Variants in KSR2 observed in about 807,000 individuals in gnomAD.
KSR2 encodes the protein kinase suppressor of ras 2.
Under a neutral mutation model 107.8 loss-of-function variants are expected in KSR2, and 25 were observed. The observed-to-expected ratio is 0.23, with a 90% CI of 0.17 to 0.32. The LOEUF (loss-of-function observed/expected upper bound fraction) is 0.32, where lower values mean the gene tolerates loss of function less well. KSR2 is among the 10% of genes least tolerant of loss of function. The pLI is 1.00. For synonymous variants in KSR2, 480 were observed against 507.0 expected, an observed-to-expected ratio of 0.95 and a Z score of 0.71; for missense variants, 887 against 1,268.9, an observed-to-expected ratio of 0.70 and a Z score of 4.57.
chr12:117,834,700 A>T (rs941840912), intron 3 of KSR2, among the ~76,000 whole-genome samples: 1 of 152,178 alleles, frequency 6.6e-6, no homozygotes, highest in Non-Finnish European at 1.5e-5. Context: ...GCCTGAGAAG[A>T]GCAATGAGAA....
intron 4 of KSR2, among the ~76,000 whole-genome samples, chr12:117,672,020 G>A (rs1213030690): frequency 6.6e-6 from 1 of 152,200 alleles, no homozygotes; most frequent in Non-Finnish European, 1.5e-5. Flanking sequence ...AGTCCTTAGC[G>A]CCTGGAACGC....
intron 5 of KSR2, among the ~76,000 whole-genome samples, chr12:117,644,809 G>A (rs1883541311): frequency 6.6e-6 from 1 of 152,140 alleles, no homozygotes; most frequent in South Asian, 2.1e-4. Flanking sequence ...GCCACTCCAT[G>A]GGGGGACAAA....
Position 117,455,034 on chromosome 12 carries a change from CAGAG to C in KSR2, c.*12161_*12164del, listed in dbSNP as rs1166413767. On this transcript the variant is annotated 3_prime_UTR_variant, in exon 20 of 20. Coordinates refer to ENST00000339824, the MANE Select transcript of KSR2 (RefSeq NM_173598.6). Reference sequence around the variant, plus strand: ...AGAGACAGACACAGAGACAGACAGACAGAGAGAGAGAGAGAGAGAGAGAGAGAGA... The same window carrying C: ...AGAGACAGACACAGAGACAGACAGACAGAGAGAGAGAGAGAGAGAGAGAGA... 6.2e-3 allele frequency: 570 copies of C among 91,558 alleles called. No individual in the cohort carries two copies. The highest frequency in any genetic ancestry group is 0.021 in the East Asian group (81 of 3,886). 5.7% of individuals were successfully genotyped at this position (91,558 alleles called of 1,614,324 possible). A position where few individuals can be genotyped will look rare whatever the true frequency, so the allele number is the denominator to read the frequency against.
intron 1 of KSR2, among the ~76,000 whole-genome samples, chr12:117,931,473 G>A (rs935513860): frequency 3.9e-5 from 6 of 152,132 alleles, no homozygotes; most frequent in South Asian, 2.1e-4. Context: ...GGTCGTGCCC[G>A]CCTGGATGTG....
At chr12:117,536,188 G>T (rs1232221524) in intron 10 of KSR2, among the ~76,000 whole-genome samples, 1 of 152,182 alleles carries the variant, frequency 6.6e-6, no homozygotes, top group Non-Finnish European at 1.5e-5. Context: ...TGGGGACATT[G>T]TTATGCCTAA....
At chr12:117,686,713 G>A (rs539658824) in intron 4 of KSR2, among the ~76,000 whole-genome samples, 57 of 152,208 alleles carry the variant, frequency 3.7e-4, no homozygotes, top group African/African-American at 1.3e-3. Context: ...GCAAGCAGGA[G>A]GTCAGCCAGA....
At chr12:117,892,662 G>C (rs952083449) in intron 1 of KSR2, among the ~76,000 whole-genome samples, 1 of 151,938 alleles carries the variant, frequency 6.6e-6, no homozygotes, top group African/African-American at 2.4e-5. Flanking sequence ...TATATCATCT[G>C]TGGCTGCTTT....
intron 5 of KSR2, among the ~76,000 whole-genome samples, chr12:117,609,027 G>C (rs1253448382): frequency 6.6e-6 from 1 of 151,962 alleles, no homozygotes; most frequent in Non-Finnish European, 1.5e-5. Flanking sequence ...ATTCCCCTTG[G>C]TCTATCCCTC....
chr12:117,730,233 A>T (rs1345915956), intron 4 of KSR2, among the ~76,000 whole-genome samples: 1 of 152,136 alleles, frequency 6.6e-6, no homozygotes, highest in Non-Finnish European at 1.5e-5. Flanking sequence ...GAGCAAGGAG[A>T]TGTGATCTTC....
intron 3 of KSR2, among the ~76,000 whole-genome samples, chr12:117,778,342 C>T (rs970633057): frequency 6.6e-6 from 1 of 152,146 alleles, no homozygotes; most frequent in South Asian, 2.1e-4. Context: ...CTGCCCGCCT[C>T]GGCCTCTCAT....
chr12:117,473,828 G>A (rs998065050), intron 17 of KSR2, among the ~76,000 whole-genome samples: 4 of 152,180 alleles, frequency 2.6e-5, no homozygotes, highest in African/African-American at 9.7e-5. Flanking sequence ...TATTCCAGGT[G>A]AATCTCAGCA....
At chr12:117,815,507 TAG>T (rs1187728652) in intron 3 of KSR2, among the ~76,000 whole-genome samples, 2 of 152,208 alleles carry the variant, frequency 1.3e-5, no homozygotes, top group African/African-American at 4.8e-5. Flanking sequence ...TACTATGTAC[TAG>T]GCATTTTGCT....
intron 5 of KSR2, among the ~76,000 whole-genome samples, chr12:117,608,424 T>C (rs1254952388): frequency 6.6e-6 from 1 of 152,236 alleles, no homozygotes; most frequent in Non-Finnish European, 1.5e-5. Flanking sequence ...ATCACTATTA[T>C]AATTTTTAAA....
chr12:117,723,121 G>A (rs1015587059), intron 4 of KSR2, among the ~76,000 whole-genome samples: 1 of 152,080 alleles, frequency 6.6e-6, no homozygotes, highest in African/African-American at 2.4e-5. Context: ...CAGGCCAGAG[G>A]AATCCATCCT....
chr12:117,730,769 C>A (rs112694112), intron 4 of KSR2, among the ~76,000 whole-genome samples: 1 of 152,234 alleles, frequency 6.6e-6, no homozygotes, highest in Non-Finnish European at 1.5e-5. Flanking sequence ...CTCGGCCTCC[C>A]GAGGTGCCGG....
intron 7 of KSR2, among the ~76,000 whole-genome samples, chr12:117,567,577 G>T (rs1385585011): frequency 4.0e-5 from 6 of 150,664 alleles, no homozygotes; most frequent in African/African-American, 1.5e-4. Flanking sequence ...GGGCAGCAAA[G>T]TTCCCCTCTC....
At chr12:117,532,159 C>A (rs1415549159) in intron 10 of KSR2, among the ~76,000 whole-genome samples, 1 of 152,178 alleles carries the variant, frequency 6.6e-6, no homozygotes, top group Non-Finnish European at 1.5e-5. Context: ...TTTTTTGTGC[C>A]TGTAACAAAT....
At chr12:117,651,090 T>A (rs1883885800) in intron 5 of KSR2, among the ~76,000 whole-genome samples, 1 of 152,074 alleles carries the variant, frequency 6.6e-6, no homozygotes, top group African/African-American at 2.4e-5. Flanking sequence ...GGACATTGAG[T>A]TTGTAAACTC....
At chr12:117,917,106 T>C (rs1311157234) in intron 1 of KSR2, among the ~76,000 whole-genome samples, 2 of 152,178 alleles carry the variant, frequency 1.3e-5, no homozygotes, top group African/African-American at 4.8e-5. Context: ...CTCCCCAAAG[T>C]CGTGACAATG....
Sources: gnomAD v4.1 joint callset for allele counts (sites outside exome capture counted in the v4.1 genomes callset) on GRCh38, gnomAD v4.1.1 for gene constraint, MANE v1.5 for transcripts, NCBI Gene and HGNC (gene_info 2026-07-23, HGNC 2026-07-21) for gene names.